The following WSB1 variants were observed in gnomAD, a reference collection of about 807,000 sequenced individuals.
WSB1 encodes WD repeat and SOCS box containing 1, also known as WD repeat and SOCS box-containing protein 1.
A neutral mutation model predicts 50.2 loss-of-function variants in WSB1; 23 were observed. The ratio of observed to expected loss-of-function variants is 0.46; its 90% CI spans 0.33 to 0.65. The LOEUF is 0.65. Ranked by LOEUF, WSB1 falls within the 30% of genes least tolerant of loss-of-function variation. The pLI is 0.02. For missense variants in WSB1, 492 were observed against 522.3 expected (o/e 0.94, Z 0.56); for synonymous variants, 179 against 172.0 (o/e 1.04, Z -0.32).
intron 4 of WSB1, among the ~76,000 whole-genome samples, chr17:27,305,239 G>A (rs564803969): frequency 6.6e-6 from 1 of 152,254 alleles, no homozygotes; most frequent in South Asian, 2.1e-4. Flanking sequence ...TCTTAGGGAG[G>A]GTTATTAACT....
intron 4 of WSB1, among the ~76,000 whole-genome samples, chr17:27,305,516 C>T (rs886089811): frequency 6.6e-6 from 1 of 152,254 alleles, no homozygotes; most frequent in African/African-American, 2.4e-5. Flanking sequence ...ATGAGCATCT[C>T]TTCCCTTTCT....
rs59999068 is a variant in WSB1 at position 27,314,095 on chromosome 17, A to C, written c.*1726A>C. ...GAAGTTCCTATGGTTAGCTCTGTTAAGGAATGTAAAAATTTATAGGGGGTG... is the reference window on the plus strand; with the variant it reads ...GAAGTTCCTATGGTTAGCTCTGTTACGGAATGTAAAAATTTATAGGGGGTG... On this transcript the variant is annotated 3_prime_UTR_variant, in exon 9 of 9. Transcript: ENST00000262394. The C allele has an allele frequency of 3.3e-5, 5 of 152,326 alleles. No homozygotes were observed. The East Asian group carries it at 9.6e-4, about 29-fold the overall frequency. The allele number at this position is 152,326 out of a possible 1,614,324, so 9.4% of individuals were successfully genotyped here.
chr17:27,299,787 A>G (rs1305490986), intron 1 of WSB1, among the ~76,000 whole-genome samples: 1 of 152,154 alleles, frequency 6.6e-6, no homozygotes, highest in Admixed American at 6.5e-5. Flanking sequence ...ATTGATGGCT[A>G]TCTTCAATAT....
In WSB1 at chr17:27,303,291, A is replaced by T. The variant is rs973218121; in HGVS notation, c.210-76A>T. ...TAATATTGAGGTTATTTTAACAAACACTTGTAATTATTCAATGTCCAGAGG... is the reference window on the plus strand; with the variant it reads ...TAATATTGAGGTTATTTTAACAAACTCTTGTAATTATTCAATGTCCAGAGG... On this transcript the variant is annotated intron_variant, in intron 2 of 8. Coordinates refer to ENST00000262394, the MANE Select transcript of WSB1 (RefSeq NM_015626.10). 4 of 1,472,178 alleles carry T rather than the reference A, an allele frequency of 2.7e-6. No homozygotes were observed. The African/African-American group carries it at 5.7e-5, about 21-fold the overall frequency. The allele number at this position is 1,472,178 out of a possible 1,614,324, so 91.2% of individuals were successfully genotyped here. A position where few individuals can be genotyped will look rare whatever the true frequency, so the allele number is the denominator to read the frequency against.
chr17:27,295,114 G>C (rs1447417978), intron 1 of WSB1, among the ~76,000 whole-genome samples: 1 of 152,212 alleles, frequency 6.6e-6, no homozygotes, highest in African/African-American at 2.4e-5. Context: ...AGGGCAATTA[G>C]TGTTGAAGGT....
At position 27,312,834 on chromosome 17, in the gene WSB1, C is replaced by T. The variant is rs1477005729; in HGVS notation, c.*465C>T. On this transcript the variant is annotated 3_prime_UTR_variant, in exon 9 of 9. Transcript: ENST00000262394. ...ATCACCTGAGGTCAGCAGTTTGAGA[C>T]TAGCCTGGCAAACATGATGAAACCC... The T allele has an allele frequency of 1.3e-5, 2 of 152,094 alleles. No homozygotes were observed. Among genetic ancestry groups the T allele is most frequent in the Non-Finnish European group, 2.9e-5 (2 of 68,502 alleles). The allele number at this position is 152,094 out of a possible 1,614,324, so 9.4% of individuals were successfully genotyped here.
At chr17:27,300,035 C>A (rs1318399484) in intron 1 of WSB1, among the ~76,000 whole-genome samples, 3 of 152,110 alleles carry the variant, frequency 2.0e-5, no homozygotes, top group African/African-American at 7.2e-5. Context: ...ATATTTAAAT[C>A]ACTTTAGAAT....
intron 1 of WSB1, among the ~76,000 whole-genome samples, chr17:27,301,509 A>G (rs1369762092): frequency 2.0e-5 from 3 of 152,220 alleles, no homozygotes; most frequent in African/African-American, 7.2e-5. Context: ...CTAATTGGTC[A>G]TTACATTATT....
Position 27,312,295 on chromosome 17 carries a change from G to A in WSB1, c.1192G>A (p.Val398Met), listed in dbSNP as rs1597772960. ...QHLCRMSIRR[V>M]MPTQEVQELP... ...TTTATGTCGCATGTCAATCCGAAGA[G>A]TGATGCCCACCCAAGAAGTTCAGGA... Residue 398 changes from valine (V) to methionine (M), a missense_variant, in exon 9 of 9, where the codon GTG (valine) becomes ATG (methionine). By Grantham distance (21) the Val-to-Met change is conservative (BLOSUM62 1). Coordinates refer to ENST00000262394, the MANE Select transcript of WSB1 (RefSeq NM_015626.10). The A allele has an allele frequency of 6.2e-7, 1 of 1,614,184 alleles. No individual in the cohort carries two copies. Among genetic ancestry groups the A allele is most frequent in the Non-Finnish European group, 8.5e-7 (1 of 1,180,036 alleles).
intron 1 of WSB1, among the ~76,000 whole-genome samples, chr17:27,298,505 G>A (rs1041609039): frequency 1.3e-5 from 2 of 152,104 alleles, no homozygotes; most frequent in African/African-American, 2.4e-5. Flanking sequence ...AGGATCGTTT[G>A]AGGCCAGGAG....
intron 5 of WSB1, 47 bp downstream of exon 5, chr17:27,306,929 A>C (rs763392123): frequency 6.5e-7 from 1 of 1,536,158 alleles, no homozygotes; most frequent in Non-Finnish European, 9.0e-7. Context: ...GGATTATGAT[A>C]ATGTGTGCAT....
In WSB1 at chr17:27,301,811, CTTT is replaced by C; in HGVS notation, c.66_68del (p.Leu23del). The C allele has an allele frequency of 6.2e-7, 1 of 1,614,030 alleles. No homozygotes were observed. Among genetic ancestry groups the C allele is most frequent in the Non-Finnish European group, 8.5e-7 (1 of 1,179,976 alleles). ...AGTGAGATTACGTACTATAGGTGAACTTTTAGCTCCTGCAGCTCCTTTTGACAA... is the reference window on the plus strand; with the variant it reads ...AGTGAGATTACGTACTATAGGTGAACTAGCTCCTGCAGCTCCTTTTGACAA... On this transcript the variant is annotated inframe_deletion, in exon 2 of 9. Transcript: ENST00000262394.
chr17:27,304,496 T>G (rs6505193), intron 3 of WSB1, among the ~76,000 whole-genome samples: 1 of 145,400 alleles, frequency 6.9e-6, no homozygotes, highest in Non-Finnish European at 1.5e-5. Context: ...CCCAGGAGTT[T>G]TAGACCAGCC....
intron 1 of WSB1, among the ~76,000 whole-genome samples, chr17:27,300,104 T>C (rs1184292951): frequency 6.7e-6 from 1 of 149,770 alleles, no homozygotes; most frequent in African/African-American, 2.5e-5. Flanking sequence ...GCACCTGTCA[T>C]ATGCCAGGTG....
intron 1 of WSB1, among the ~76,000 whole-genome samples, chr17:27,298,564 G>GT (rs1055844510): frequency 7.2e-5 from 11 of 151,892 alleles, no homozygotes; most frequent in East Asian, 1.9e-4. Flanking sequence ...ATAAAAAATT[G>GT]TTTTTTTGCC....
At position 27,294,212 on chromosome 17, in the gene WSB1, G is replaced by C. The variant is rs2016846433; in HGVS notation, c.-184G>C. ...TTGTCTGTGGTTGACTCCGTACTTT[G>C]GTCTGAGGCCTTCGGGAGCTTTCCC... On this transcript the variant is annotated 5_prime_UTR_variant, in exon 1 of 9. Transcript: ENST00000262394. The C allele has an allele frequency of 7.4e-6, 5 of 671,350 alleles. No homozygotes were observed. The highest frequency in any genetic ancestry group is 7.5e-6 in the Non-Finnish European group (3 of 399,654). The allele number at this position is 671,350 out of a possible 1,614,324, so 41.6% of individuals were successfully genotyped here. A position where few individuals can be genotyped will look rare whatever the true frequency, so the allele number is the denominator to read the frequency against.
rs976679403 is a variant in WSB1 at position 27,296,881 on chromosome 17, A to G, written c.40+2446A>G. 1.6e-4 allele frequency among the ~76,000 whole-genome samples: 24 copies of G among 152,362 alleles called. 1 individual carries two copies. The highest frequency in any genetic ancestry group is 1.6e-3 in the Admixed American group (24 of 15,298). ...TTTTTTTTCAAAGCACTTTATTACA[A>G]ACTTTGTGCTAGGTTTATAAAATTG... On this transcript the variant is annotated intron_variant, in intron 1 of 8. Coordinates refer to ENST00000262394, the MANE Select transcript of WSB1 (RefSeq NM_015626.10).
At chr17:27,303,698 C>T in intron 3 of WSB1, 63 bp downstream of exon 3, 1 of 1,551,520 alleles carries the variant, frequency 6.4e-7, no homozygotes, top group East Asian at 2.3e-5. Context: ...TGCTTATAGG[C>T]ACTGGAATTG....
intron 3 of WSB1, among the ~76,000 whole-genome samples, chr17:27,304,506 C>T (rs1039646329): frequency 7.8e-6 from 1 of 128,508 alleles, no homozygotes. Context: ...TTAGACCAGC[C>T]TGGGCAACAT....
Sources: gnomAD v4.1 joint callset for allele counts (sites outside exome capture counted in the v4.1 genomes callset) on GRCh38, gnomAD v4.1.1 for gene constraint, MANE v1.5 for transcripts, NCBI Gene and HGNC (gene_info 2026-07-23, HGNC 2026-07-21) for gene names.